SDK1: variants seen among roughly 807,000 people sequenced by gnomAD.
The protein encoded by SDK1 is sidekick cell adhesion molecule 1.
SDK1 carries 157 observed loss-of-function variants against 245.5 expected under a neutral mutation model. The ratio of observed to expected loss-of-function variants is 0.64; its 90% CI spans 0.56 to 0.73. The LOEUF (loss-of-function observed/expected upper bound fraction) is 0.73. SDK1 is among the 30% of genes least tolerant of loss of function. The pLI is 0.00. For synonymous variants in SDK1, 1,647 were observed against 1,278.5 expected, an observed-to-expected ratio of 1.29 and a Z score of -6.15; for missense variants, 3,583 against 3,002.3, an observed-to-expected ratio of 1.19 and a Z score of -4.52.
intron 4 of SDK1, among the ~76,000 whole-genome samples, chr7:3,676,865 G>T (rs1783919563): frequency 6.6e-6 from 1 of 152,156 alleles, no homozygotes; most frequent in South Asian, 2.1e-4. Context: ...CCATTGGTCT[G>T]TGTGTCTACT....
intron 14 of SDK1, among the ~76,000 whole-genome samples, chr7:3,996,132 A>G (rs982163558): frequency 1.3e-5 from 2 of 151,976 alleles, no homozygotes; most frequent in East Asian, 1.9e-4. Context: ...CAAATGATCC[A>G]TTTTCCCAAC....
At chr7:3,633,502 A>G (rs555198472) in intron 2 of SDK1, among the ~76,000 whole-genome samples, 7 of 152,236 alleles carry the variant, frequency 4.6e-5, no homozygotes, top group African/African-American at 1.4e-4. Context: ...CATACTCAAG[A>G]GAACTTCTTA....
At chr7:3,801,580 C>T (rs770289500) in intron 4 of SDK1, among the ~76,000 whole-genome samples, 4 of 152,212 alleles carry the variant, frequency 2.6e-5, no homozygotes, top group South Asian at 2.1e-4. Context: ...TCAGGTTTGA[C>T]GAAAACAGGA....
intron 1 of SDK1, among the ~76,000 whole-genome samples, chr7:3,362,166 A>G (rs1448905872): frequency 6.6e-6 from 1 of 152,208 alleles, no homozygotes; most frequent in Non-Finnish European, 1.5e-5. Flanking sequence ...TAGAATCTAG[A>G]TGAAATTAAC....
intron 1 of SDK1, among the ~76,000 whole-genome samples, chr7:3,504,268 T>TTGTTGTTGTTGTTGTCGTC (rs1562526961): frequency 6.7e-6 from 1 of 148,444 alleles, no homozygotes; most frequent in African/African-American, 2.5e-5. Flanking sequence ...TTGTTGTCGT[T>TTGTTGTTGTTGTTGTCGTC]GTTGTTGTTG....
chr7:3,758,525 A>C (rs1276115060), intron 4 of SDK1, among the ~76,000 whole-genome samples: 1 of 151,804 alleles, frequency 6.6e-6, no homozygotes, highest in Non-Finnish European at 1.5e-5. Flanking sequence ...TTTTGTACCA[A>C]CCTAATAGAT....
At chr7:3,463,145 CTGACT>C (rs1780885217) in intron 1 of SDK1, among the ~76,000 whole-genome samples, 1 of 152,172 alleles carries the variant, frequency 6.6e-6, no homozygotes, top group South Asian at 2.1e-4. Context: ...TGTCATTTCC[CTGACT>C]CCATGGAGAT....
chr7:3,738,389 T>C (rs1779380668), intron 4 of SDK1, among the ~76,000 whole-genome samples: 1 of 152,244 alleles, frequency 6.6e-6, no homozygotes, highest in Admixed American at 6.5e-5. Flanking sequence ...CTTTCTAATC[T>C]ATTACATTGG....
chr7:4,191,253 C>T (rs549772891), intron 35 of SDK1, among the ~76,000 whole-genome samples: 8 of 151,934 alleles, frequency 5.3e-5, no homozygotes, highest in East Asian at 1.9e-4. Flanking sequence ...CCTCCCCCGC[C>T]GCGGTCACAT....
chr7:4,267,491 C>T lies in SDK1; in HGVS notation c.*2107C>T, dbSNP rs1788539719. ...CACAGTGGACAGTGCCACCTCCTTC[C>T]CCTCGGCCCCGGAGAGGGCGAAGTG... On this transcript the variant is annotated 3_prime_UTR_variant, in exon 45 of 45. Transcript: ENST00000404826. 1 of 985,450 alleles carries T rather than the reference C, an allele frequency of 1.0e-6. No homozygotes were observed. Among genetic ancestry groups the T allele is most frequent in the South Asian group, 4.7e-5 (1 of 21,288 alleles). The allele number at this position is 985,450 out of a possible 1,614,324, so 61.0% of individuals were successfully genotyped here.
chr7:3,727,645 C>T (rs770682648), intron 4 of SDK1, among the ~76,000 whole-genome samples: 15 of 152,000 alleles, frequency 9.9e-5, no homozygotes, highest in African/African-American at 3.1e-4. Flanking sequence ...CACACACCAG[C>T]GCGTCCGGCT....
rs561904448 is a variant in SDK1, at chr7:4,156,851, T to C, written c.4626-1597T>C. ...GAAAGCCACTGGTTTACAGATTCCA[T>C]TGGGAGTGAGGACAGAAGACTGGTT... On this transcript the variant is annotated intron_variant, in intron 30 of 44. Coordinates refer to ENST00000404826, the MANE Select transcript of SDK1 (RefSeq NM_152744.4). Among the ~76,000 whole-genome samples the C allele has an allele frequency of 1.6e-4, 25 of 152,172 alleles. No homozygotes were observed. The South Asian group carries it at 2.1e-3, about 13-fold the overall frequency.
chr7:3,414,306 A>AGG (rs1188178217), intron 1 of SDK1, among the ~76,000 whole-genome samples: 2 of 152,068 alleles, frequency 1.3e-5, no homozygotes, highest in Non-Finnish European at 1.5e-5. Flanking sequence ...AATGTGACGG[A>AGG]ATGGACTGTT....
In SDK1 at chr7:4,017,181, G is replaced by C; in HGVS notation, c.2431G>C (p.Ala811Pro). 1 of 1,610,840 alleles carries C rather than the reference G, an allele frequency of 6.2e-7. No homozygotes were observed. Among genetic ancestry groups the C allele is most frequent in the Admixed American group, 1.7e-5 (1 of 59,530 alleles). The change falls in exon 17 of 45, where the codon GCT becomes CCT. Residue 811 changes from alanine (A) to proline (P), a missense_variant. Physicochemically the swap from Ala to Pro is conservative, Grantham distance 27 (BLOSUM62 -1). Transcript: ENST00000404826. ...LRGYILRYRL[A>P]GLPGEYQQRN... ...TCCTTCGTGGCGCAGGTACCGCCTG[G>C]CTGGCCTTCCCGGAGAGTACCAGCA... is the stretch of plus-strand genomic sequence containing the variant.
intron 4 of SDK1, among the ~76,000 whole-genome samples, chr7:3,715,191 T>C (rs1450448764): frequency 6.6e-6 from 1 of 152,186 alleles, no homozygotes; most frequent in African/African-American, 2.4e-5. Context: ...TTCACAAATA[T>C]ACTAGATCGT....
intron 1 of SDK1, among the ~76,000 whole-genome samples, chr7:3,530,174 TAGC>T (rs1276481573): frequency 1.3e-5 from 2 of 152,270 alleles, no homozygotes; most frequent in African/African-American, 4.8e-5. Flanking sequence ...TAGCTCAAAA[TAGC>T]AGTGAGTTTA....
intron 1 of SDK1, among the ~76,000 whole-genome samples, chr7:3,581,507 C>G (rs1026234271): frequency 6.6e-6 from 1 of 152,008 alleles, no homozygotes. Context: ...CAGATGTGGG[C>G]CAGGTTGTGG....
intron 4 of SDK1, among the ~76,000 whole-genome samples, chr7:3,759,451 G>A (rs1253866173): frequency 6.6e-6 from 1 of 152,164 alleles, no homozygotes; most frequent in Non-Finnish European, 1.5e-5. Context: ...TAAAGTATTA[G>A]TTAATGATGG....
At chr7:4,094,181 CGAGTA>C (rs1781992405) in intron 22 of SDK1, among the ~76,000 whole-genome samples, 1 of 152,068 alleles carries the variant, frequency 6.6e-6, no homozygotes, top group African/African-American at 2.4e-5. Flanking sequence ...CTCAGCCTCC[CGAGTA>C]GAGTGGCTGG....
Sources: gnomAD v4.1 joint callset for allele counts (sites outside exome capture counted in the v4.1 genomes callset) on GRCh38, gnomAD v4.1.1 for gene constraint, MANE v1.5 for transcripts, NCBI Gene and HGNC (gene_info 2026-07-23, HGNC 2026-07-21) for gene names.